The following ERC2 variants were observed in gnomAD, a reference collection of about 807,000 sequenced individuals.
ERC2 encodes ELKS/RAB6-interacting/CAST family member 2, also known as ERC protein 2.
Under a neutral mutation model 114.8 loss-of-function variants are expected in ERC2, and 42 were observed. That is an observed-to-expected ratio of 0.37 (90% CI 0.29 to 0.47). The LOEUF is 0.47. Ranked by LOEUF, ERC2 falls within the 20% of genes least tolerant of loss-of-function variation. ERC2 has a pLI of 0.99. For missense variants in ERC2, 939 were observed against 1,150.7 expected (o/e 0.82, Z 2.66); for synonymous variants, 454 against 425.5 (o/e 1.07, Z -0.82).
chr3:56,414,047 G>T (rs1165189916), intron 2 of ERC2, among the ~76,000 whole-genome samples: 1 of 152,162 alleles, frequency 6.6e-6, no homozygotes, highest in Non-Finnish European at 1.5e-5. Context: ...TCACAATTCT[G>T]CCTGTACTTT....
At chr3:55,809,887 A>G (rs2059648916) in intron 14 of ERC2, among the ~76,000 whole-genome samples, 1 of 152,240 alleles carries the variant, frequency 6.6e-6, no homozygotes, top group Non-Finnish European at 1.5e-5. Flanking sequence ...TGTTACAATA[A>G]AGAGCATCTC....
chr3:56,142,335 C>T (rs112844726), intron 5 of ERC2, among the ~76,000 whole-genome samples: 1 of 152,108 alleles, frequency 6.6e-6, no homozygotes, highest in Non-Finnish European at 1.5e-5. Context: ...GCTTTAACCA[C>T]TCTTTTTCCT....
chr3:55,735,931 C>A (rs1420999799), intron 14 of ERC2, among the ~76,000 whole-genome samples: 1 of 152,156 alleles, frequency 6.6e-6, no homozygotes, highest in East Asian at 1.9e-4. Flanking sequence ...GTAGTGCAAA[C>A]CCTGAACTTA....
rs536793624 is a variant in ERC2 at position 56,289,864 on chromosome 3, C to T, written c.1074+6155G>A. ...CAGAGTCTAGAGTCACACTGCCCAG[C>T]TTCCACTCTTGATTGCAGCTTTTGC... is the stretch of plus-strand genomic sequence containing the variant. On this transcript the variant is annotated intron_variant, in intron 3 of 17. Transcript: ENST00000288221. 2.6e-5 allele frequency among the ~76,000 whole-genome samples: 4 copies of T among 152,314 alleles called. No individual in the cohort carries two copies. In the East Asian group the frequency reaches 7.7e-4, roughly 29 times the overall value.
chr3:55,951,200 T>C (rs2067475939), intron 12 of ERC2, among the ~76,000 whole-genome samples: 1 of 152,206 alleles, frequency 6.6e-6, no homozygotes, highest in African/African-American at 2.4e-5. Context: ...GATACAGCAT[T>C]TATTTTCTTC....
chr3:56,127,390 G>A (rs564696452), intron 6 of ERC2, among the ~76,000 whole-genome samples: 2 of 152,220 alleles, frequency 1.3e-5, no homozygotes, highest in East Asian at 3.9e-4. Flanking sequence ...AACAAAGCTG[G>A]AGGCATCACA....
intron 1 of ERC2, among the ~76,000 whole-genome samples, chr3:56,449,074 CAAAAA>C: frequency 8.9e-6 from 1 of 112,252 alleles, no homozygotes; most frequent in East Asian, 2.6e-4. Context: ...GACTCCATCT[CAAAAA>C]AAAAAAAAAA....
intron 3 of ERC2, among the ~76,000 whole-genome samples, chr3:56,269,767 A>G (rs1326696912): frequency 6.6e-6 from 1 of 152,206 alleles, no homozygotes; most frequent in Admixed American, 6.5e-5. Context: ...ATCTGCTCAG[A>G]ACGGTCTATG....
In ERC2 at chr3:55,781,498, T is replaced by G. The variant is rs191105668; in HGVS notation, c.2565-46580A>C. Among the ~76,000 whole-genome samples the G allele has an allele frequency of 8.5e-3, 899 of 105,466 alleles. 11 individuals carry two copies. The highest frequency in any genetic ancestry group is 0.028 in the African/African-American group (848 of 30,034). The allele number at this position is 105,466 out of a possible 152,430, so 69.2% of individuals were successfully genotyped here. ...CATTCATTTAATTTTTTAAAAATGGTTTTTTTTTTGTCATGGCTTAATTCC... is the reference window on the plus strand; with the variant it reads ...CATTCATTTAATTTTTTAAAAATGGGTTTTTTTTTGTCATGGCTTAATTCC... On this transcript the variant is annotated intron_variant, in intron 14 of 17. Coordinates refer to ENST00000288221, the MANE Select transcript of ERC2 (RefSeq NM_015576.3).
At chr3:55,573,690 C>T (rs570178270) in intron 17 of ERC2, among the ~76,000 whole-genome samples, 1 of 152,076 alleles carries the variant, frequency 6.6e-6, no homozygotes, top group Non-Finnish European at 1.5e-5. Context: ...CTGCCTGGAC[C>T]TTCCTCAGCC....
chr3:55,777,963 A>G (rs905246492), intron 14 of ERC2, among the ~76,000 whole-genome samples: 4 of 152,188 alleles, frequency 2.6e-5, no homozygotes, highest in Admixed American at 2.6e-4. Flanking sequence ...AAACTTTCAG[A>G]CCATAGGAAA....
chr3:56,062,184 T>C (rs936427797), intron 7 of ERC2, among the ~76,000 whole-genome samples: 1 of 152,202 alleles, frequency 6.6e-6, no homozygotes, highest in Non-Finnish European at 1.5e-5. Context: ...AAGTATAACA[T>C]GGTACTTACA....
intron 2 of ERC2, among the ~76,000 whole-genome samples, chr3:56,365,961 T>C (rs1295438132): frequency 6.6e-6 from 1 of 152,198 alleles, no homozygotes; most frequent in African/African-American, 2.4e-5. Flanking sequence ...CAAATGGACA[T>C]GGCCAGACCA....
intron 14 of ERC2, among the ~76,000 whole-genome samples, chr3:55,751,665 A>G (rs2066713289): frequency 6.6e-6 from 1 of 152,148 alleles, no homozygotes; most frequent in Non-Finnish European, 1.5e-5. Context: ...TTAAGGATGA[A>G]AGTCACAAGT....
chr3:56,289,448 T>G (rs981038961), intron 3 of ERC2, among the ~76,000 whole-genome samples: 2 of 152,154 alleles, frequency 1.3e-5, no homozygotes, highest in African/African-American at 4.8e-5. Context: ...ATTCTCCAGG[T>G]CAAATGCCTT....
At chr3:55,558,035 T>C (rs557423651) in intron 17 of ERC2, among the ~76,000 whole-genome samples, 1 of 152,340 alleles carries the variant, frequency 6.6e-6, no homozygotes, top group Non-Finnish European at 1.5e-5. Flanking sequence ...TCTGTAATAT[T>C]GGCTAATTAA....
At chr3:56,299,499 G>C (rs1252186860) in intron 2 of ERC2, among the ~76,000 whole-genome samples, 1 of 149,848 alleles carries the variant, frequency 6.7e-6, no homozygotes, top group Admixed American at 6.7e-5. Flanking sequence ...GCATGATCTT[G>C]GCTCACTGTA....
rs879863143 is a variant in ERC2 at position 56,467,788 on chromosome 3, GC to G, written c.-141+459del. On this transcript the variant is annotated intron_variant, in intron 1 of 17. Coordinates refer to ENST00000288221, the MANE Select transcript of ERC2 (RefSeq NM_015576.3). The stretch of plus-strand genomic sequence containing the variant: ...AGGCGGCCAGCCACCCCACCCCCGG[GC>G]GGGGGCTCCACCTTTCTCCACTTTG... Among the ~76,000 whole-genome samples the G allele has an allele frequency of 1.8e-4, 27 of 151,928 alleles. 1 individual carries two copies. In the Middle Eastern group the frequency reaches 0.024, roughly 134 times the overall value.
intron 17 of ERC2, among the ~76,000 whole-genome samples, chr3:55,583,544 T>TTCCTTCCTTCCTTC (rs2057422581): frequency 5.1e-5 from 2 of 39,028 alleles, no homozygotes; most frequent in South Asian, 1.4e-3. Flanking sequence ...TTCCTTCCTT[T>TTCCTTCCTTCCTTC]CTTCCTTCCT....
Sources: allele counts gnomAD v4.1 joint callset (sites outside exome capture counted in the v4.1 genomes callset), GRCh38; gene constraint gnomAD v4.1.1; transcripts MANE v1.5; gene names NCBI Gene and HGNC (gene_info 2026-07-23, HGNC 2026-07-21).